MED27: variants seen among roughly 807,000 people sequenced by gnomAD.
MED27 encodes mediator complex subunit 27.
Under a neutral mutation model 38.2 loss-of-function variants are expected in MED27, and 30 were observed. The observed-to-expected ratio is 0.79, with a 90% CI of 0.59 to 1.07. The LOEUF (loss-of-function observed/expected upper bound fraction) is 1.07. MED27 is among the 50% of genes least tolerant of loss of function. The pLI is 0.00. For synonymous variants in MED27, 122 were observed against 153.5 expected (o/e 0.79, Z 1.52); for missense variants, 289 against 397.5 (o/e 0.73, Z 2.32).
At chr9:131,920,214 CCTCT>C (rs896898278) in intron 4 of MED27, among the ~76,000 whole-genome samples, 3 of 152,298 alleles carry the variant, frequency 2.0e-5, no homozygotes, top group African/African-American at 7.2e-5. Flanking sequence ...CATAAACACT[CCTCT>C]CTAACAGTGC....
At chr9:131,929,921 T>G (rs1322042055) in intron 4 of MED27, among the ~76,000 whole-genome samples, 1 of 152,200 alleles carries the variant, frequency 6.6e-6, no homozygotes, top group Non-Finnish European at 1.5e-5. Flanking sequence ...CAGCGAGCCT[T>G]GGGCAAGACC....
intron 2 of MED27, among the ~76,000 whole-genome samples, chr9:132,068,084 G>A (rs183255127): frequency 2.0e-4 from 31 of 152,188 alleles, no homozygotes; most frequent in South Asian, 8.3e-4. Context: ...CCGCAAAAAG[G>A]GGGGAGGAAA....
At chr9:131,987,428 G>C (rs1196515151) in intron 3 of MED27, among the ~76,000 whole-genome samples, 4 of 152,050 alleles carry the variant, frequency 2.6e-5, no homozygotes, top group African/African-American at 4.8e-5. Flanking sequence ...AATGCGGGGA[G>C]GGGGAGCGGT....
intron 3 of MED27, among the ~76,000 whole-genome samples, chr9:132,001,761 C>A (rs541754106): frequency 2.6e-5 from 4 of 152,330 alleles, no homozygotes; most frequent in Admixed American, 1.3e-4. Context: ...ACATTCCCCC[C>A]ACAATGCTCA....
Position 131,883,958 on chromosome 9 carries a change from C to T in MED27, c.723+100G>A. ...GCATCCTTTTCTGTCTGGCTTTTTT[C>T]ACTTTTTCAAAAGCCTCTGATTTGA... On this transcript the variant is annotated intron_variant, in intron 6 of 7. Transcript: ENST00000292035. This position sits in a 1 kb window ranked among gnomAD's most constrained non-coding sequence, Gnocchi z 4.2. 2 of 1,059,800 alleles carry T rather than the reference C, an allele frequency of 1.9e-6. No individual in the cohort carries two copies. Among genetic ancestry groups the T allele is most frequent in the Non-Finnish European group, 2.8e-6 (2 of 716,162 alleles). The allele number at this position is 1,059,800 out of a possible 1,614,324, so 65.6% of individuals were successfully genotyped here.
chr9:132,014,412 C>G lies in MED27; in HGVS notation c.404G>C (p.Arg135Pro), dbSNP rs755299213. 1 of 1,613,958 alleles carries G rather than the reference C, an allele frequency of 6.2e-7. No homozygotes were observed. The highest frequency in any genetic ancestry group is 8.5e-7 in the Non-Finnish European group (1 of 1,179,994). Residue 135 changes from arginine to proline, a missense_variant, in exon 3 of 8, where the codon CGT (arginine) becomes CCT (proline). Physicochemically the swap from Arg to Pro is moderately radical, Grantham distance 103 (BLOSUM62 -2). Coordinates refer to ENST00000292035, the MANE Select transcript of MED27 (RefSeq NM_004269.4). ...AGATACTCCCATCTGATTAGCGGAA[C>G]GCTTCAATGACTGCTGATTTAAAAG... is the stretch of plus-strand genomic sequence containing the variant. ...SGLLNQQSLK[R>P]SANQMGVSAK...
At chr9:132,076,473 T>C (rs1834050670) in intron 2 of MED27, among the ~76,000 whole-genome samples, 1 of 151,940 alleles carries the variant, frequency 6.6e-6, no homozygotes, top group Non-Finnish European at 1.5e-5. Flanking sequence ...CAAAGAGAAA[T>C]TCAAAGAAAA....
chr9:131,968,037 G>T (rs1392768382), intron 3 of MED27, among the ~76,000 whole-genome samples: 2 of 151,174 alleles, frequency 1.3e-5, no homozygotes, highest in East Asian at 3.9e-4. Flanking sequence ...AGCCAGGATG[G>T]TCTTGATCTC....
rs958288818 is a variant in MED27 at position 131,872,339 on chromosome 9, G to A, written c.724-9199C>T. Among the ~76,000 whole-genome samples the A allele has an allele frequency of 1.3e-5, 2 of 152,242 alleles. No homozygotes were observed. Among genetic ancestry groups the A allele is most frequent in the African/African-American group, 4.8e-5 (2 of 41,464 alleles). Reference sequence around the variant, plus strand: ...CATTATCTGCCAGCACACAGCCCCCGAGGCCAAGCTAGAAGAGCGGGCGCC... The same window carrying A: ...CATTATCTGCCAGCACACAGCCCCCAAGGCCAAGCTAGAAGAGCGGGCGCC... On this transcript the variant is annotated intron_variant, in intron 6 of 7. Coordinates refer to ENST00000292035, the MANE Select transcript of MED27 (RefSeq NM_004269.4). The surrounding 1 kb of genome is among the most constrained non-coding windows in gnomAD (Gnocchi z 5.6).
rs531555418 is a variant in MED27, at chr9:131,942,346, T to G, written c.480-2872A>C. On this transcript the variant is annotated intron_variant, in intron 3 of 7. Transcript: ENST00000292035. ...CGTTTCTTGAAATGGTGAAGGCACATGACAAAAACATCATGCCCAAAGTTT... is the reference window on the plus strand; with the variant it reads ...CGTTTCTTGAAATGGTGAAGGCACAGGACAAAAACATCATGCCCAAAGTTT... Among the ~76,000 whole-genome samples, 7 of 152,310 alleles carry G rather than the reference T, an allele frequency of 4.6e-5. No homozygotes were observed. In the South Asian group the frequency reaches 1.2e-3, roughly 27 times the overall value.
intron 2 of MED27, among the ~76,000 whole-genome samples, chr9:132,049,367 G>A (rs1833412394): frequency 6.6e-6 from 1 of 151,970 alleles, no homozygotes; most frequent in African/African-American, 2.4e-5. Flanking sequence ...ATCCTGGTGT[G>A]GCCCTAAATC....
chr9:131,959,835 A>G (rs990466736), intron 3 of MED27, among the ~76,000 whole-genome samples: 1 of 152,200 alleles, frequency 6.6e-6, no homozygotes, highest in African/African-American at 2.4e-5. Context: ...AATTCCAAGT[A>G]CCATTCTGGC....
chr9:131,944,417 T>C (rs1006131315), intron 3 of MED27, among the ~76,000 whole-genome samples: 2 of 152,194 alleles, frequency 1.3e-5, no homozygotes, highest in Non-Finnish European at 2.9e-5. Flanking sequence ...ACTTTAGCCT[T>C]TAGAATGACA....
At chr9:132,033,472 A>G (rs1050814511) in intron 2 of MED27, among the ~76,000 whole-genome samples, 1 of 152,208 alleles carries the variant, frequency 6.6e-6, no homozygotes, top group Non-Finnish European at 1.5e-5. Flanking sequence ...AACTTTGGTA[A>G]ATTTAGAGTC....
At chr9:131,979,375 T>G (rs909563250) in intron 3 of MED27, among the ~76,000 whole-genome samples, 1 of 152,040 alleles carries the variant, frequency 6.6e-6, no homozygotes, top group African/African-American at 2.4e-5. Context: ...AACCAACGCT[T>G]ATGTATCTTC....
chr9:131,878,065 AG>A (rs1428623539), intron 6 of MED27, among the ~76,000 whole-genome samples: 1 of 152,170 alleles, frequency 6.6e-6, no homozygotes, highest in Non-Finnish European at 1.5e-5. Context: ...ACCTGAGATC[AG>A]GAGTTCAAGA....
chr9:132,010,917 G>T (rs1254520857), intron 3 of MED27, among the ~76,000 whole-genome samples: 1 of 152,170 alleles, frequency 6.6e-6, no homozygotes, highest in East Asian at 1.9e-4. Flanking sequence ...AGCATTAGGA[G>T]ATATACCTAA....
chr9:132,055,023 C>G (rs1174581264), intron 2 of MED27, among the ~76,000 whole-genome samples: 1 of 152,134 alleles, frequency 6.6e-6, no homozygotes, highest in African/African-American at 2.4e-5. Context: ...ACCATCCCAG[C>G]CTCACTGCTC....
chr9:131,904,321 G>A lies in MED27; in HGVS notation c.574-10329C>T, dbSNP rs1257979811. ...TCCAAAGTGCTGGGATTACAGGTGT[G>A]AGCCACTGCGGCCAGTCTGTTATCC... On this transcript the variant is annotated intron_variant, in intron 4 of 7. Coordinates refer to ENST00000292035, the MANE Select transcript of MED27 (RefSeq NM_004269.4). Among the ~76,000 whole-genome samples the A allele has an allele frequency of 2.6e-5, 4 of 152,120 alleles. No individual in the cohort carries two copies. In the East Asian group the frequency reaches 7.7e-4, roughly 29 times the overall value.
Sources: allele counts gnomAD v4.1 joint callset (sites outside exome capture counted in the v4.1 genomes callset), GRCh38; gene constraint gnomAD v4.1.1; non-coding constraint Gnocchi (gnomAD v3.1); transcripts MANE v1.5; gene names NCBI Gene and HGNC (gene_info 2026-07-23, HGNC 2026-07-21).